Variants in FRAS1 observed in about 807,000 individuals in gnomAD.
FRAS1 encodes extracellular matrix organizing protein FRAS1.
Under a neutral mutation model 435.2 loss-of-function variants are expected in FRAS1, and 290 were observed. The ratio of observed to expected loss-of-function variants is 0.67; its 90% CI spans 0.61 to 0.73. FRAS1 has a LOEUF of 0.73. FRAS1 is among the 30% of genes least tolerant of loss of function. The probability of loss-of-function intolerance (pLI) is 0.00; values close to 1 mark genes in which losing one functional copy is unlikely to be tolerated. For missense variants in FRAS1, 4,860 were observed against 5,001.5 expected (o/e 0.97, Z 0.85); for synonymous variants, 1,800 against 1,851.0 (o/e 0.97, Z 0.71).
chr4:78,104,191 A>G (rs1440981880), intron 2 of FRAS1, among the ~76,000 whole-genome samples: 2 of 152,268 alleles, frequency 1.3e-5, no homozygotes, highest in Non-Finnish European at 2.9e-5. Context: ...TGTTTAGAAA[A>G]TAAATCTGAA....
chr4:78,410,131 A>C (rs1293639840), intron 31 of FRAS1, among the ~76,000 whole-genome samples: 3 of 152,228 alleles, frequency 2.0e-5, no homozygotes, highest in Non-Finnish European at 2.9e-5. Flanking sequence ...ACCTCTGCAA[A>C]CTAGAATCCT....
intron 15 of FRAS1, among the ~76,000 whole-genome samples, chr4:78,310,652 C>T (rs760339825): frequency 2.6e-5 from 4 of 152,192 alleles, no homozygotes; most frequent in Non-Finnish European, 4.4e-5. Flanking sequence ...CTGGAGCTTA[C>T]GCGTTTTATA....
chr4:78,539,445 G>T lies in FRAS1; in HGVS notation c.11445+5G>T. On this transcript the variant is annotated splice_donor_5th_base_variant and intron_variant, in intron 73 of 73. Transcript: ENST00000512123. ...AAAGTAGATGCACTCTATAAGGTGA[G>T]TTTGGTGAGAAGAACAGAAGCTTAA... 1 of 1,572,284 alleles carries T rather than the reference G, an allele frequency of 6.4e-7. No homozygotes were observed. The highest frequency in any genetic ancestry group is 8.6e-7 in the Non-Finnish European group (1 of 1,156,784).
chr4:78,465,451 C>G (rs1215646710), intron 49 of FRAS1, among the ~76,000 whole-genome samples: 1 of 152,198 alleles, frequency 6.6e-6, no homozygotes, highest in African/African-American at 2.4e-5. Context: ...GAGAAGGCCT[C>G]TCTGAGGAGG....
At chr4:78,500,525 G>C (rs925911818) in intron 61 of FRAS1, among the ~76,000 whole-genome samples, 2 of 152,186 alleles carry the variant, frequency 1.3e-5, no homozygotes, top group Non-Finnish European at 2.9e-5. Flanking sequence ...GGGTTGAACT[G>C]TATGCTAGGT....
intron 1 of FRAS1, among the ~76,000 whole-genome samples, chr4:78,064,207 A>T (rs1333346400): frequency 6.6e-6 from 1 of 150,562 alleles, no homozygotes; most frequent in African/African-American, 2.4e-5. Flanking sequence ...ATAATAATAA[A>T]AATAAATAAA....
chr4:78,358,446 T>C (rs1030508611), intron 20 of FRAS1, among the ~76,000 whole-genome samples: 10 of 152,302 alleles, frequency 6.6e-5, no homozygotes, highest in South Asian at 6.2e-4. Flanking sequence ...TTCATGCTTG[T>C]AGTGGTTAAA....
Position 78,499,746 on chromosome 4 carries a change from T to G in FRAS1, c.9141T>G (p.Ala3047=). ...EDAPTIEFEE[A]AYQVREPAGP... is the part of the protein sequence containing the mutation. ...CCCCCACCATTGAGTTTGAAGAAGC[T>G]GCATACCAAGTCCGGGAACCCGCAG... Residue 3047 remains alanine, a synonymous_variant, in exon 61 of 74, where the codon GCT becomes GCG. Transcript: ENST00000512123. The G allele has an allele frequency of 6.2e-7, 1 of 1,613,896 alleles. No individual in the cohort carries two copies. Among genetic ancestry groups the G allele is most frequent in the Non-Finnish European group, 8.5e-7 (1 of 1,179,820 alleles).
intron 70 of FRAS1, among the ~76,000 whole-genome samples, chr4:78,528,059 G>A (rs972603379): frequency 6.6e-6 from 1 of 152,080 alleles, no homozygotes; most frequent in Admixed American, 6.6e-5. Flanking sequence ...GGATAAGGAT[G>A]ACAAAGTGGA....
intron 2 of FRAS1, among the ~76,000 whole-genome samples, chr4:78,217,837 CT>C (rs1473627673): frequency 1.0e-5 from 1 of 96,518 alleles, no homozygotes; most frequent in Non-Finnish European, 2.2e-5. Flanking sequence ...TCCCCTTCCC[CT>C]CTCCTCTCTT....
At chr4:78,354,023 T>TAAAAAAAAAAAAAAAAAAAAAAAAAAAA (rs767987937) in intron 20 of FRAS1, among the ~76,000 whole-genome samples, 1 of 105,958 alleles carries the variant, frequency 9.4e-6, no homozygotes, top group Non-Finnish European at 2.2e-5. Flanking sequence ...AAAAATAAAA[T>TAAAAAAAAAAAAAAAAAAAAAAAAAAAA]AAAAAAAAAA....
intron 9 of FRAS1, among the ~76,000 whole-genome samples, chr4:78,277,873 G>T (rs1212230467): frequency 2.6e-5 from 4 of 151,542 alleles, no homozygotes; most frequent in African/African-American, 9.7e-5. Context: ...GTGCAGTGGC[G>T]TGATCTCGGC....
At chr4:78,075,403 G>A (rs1221856000) in intron 2 of FRAS1, among the ~76,000 whole-genome samples, 1 of 152,142 alleles carries the variant, frequency 6.6e-6, no homozygotes, top group East Asian at 1.9e-4. Flanking sequence ...ATTATTGTAT[G>A]AGCTCAAAAG....
At chr4:78,377,894 T>C (rs1731842409) in intron 26 of FRAS1, among the ~76,000 whole-genome samples, 1 of 152,144 alleles carries the variant, frequency 6.6e-6, no homozygotes, top group African/African-American at 2.4e-5. Flanking sequence ...TTTTAAAAGA[T>C]CCCTATATGA....
chr4:78,460,026 G>C (rs1384907769), intron 47 of FRAS1, among the ~76,000 whole-genome samples: 1 of 152,078 alleles, frequency 6.6e-6, no homozygotes, highest in African/African-American at 2.4e-5. Context: ...GTGGGGAAAG[G>C]GTGCAATTCA....
At chr4:78,382,206 C>A (rs542220166) in intron 27 of FRAS1, among the ~76,000 whole-genome samples, 1 of 148,594 alleles carries the variant, frequency 6.7e-6, no homozygotes. Flanking sequence ...AAATCACTTA[C>A]CCTTATTTGA....
intron 20 of FRAS1, among the ~76,000 whole-genome samples, chr4:78,358,008 A>T (rs1254328420): frequency 1.3e-5 from 2 of 152,018 alleles, no homozygotes; most frequent in African/African-American, 4.8e-5. Flanking sequence ...ACACATGATG[A>T]CCCCATGCTT....
chr4:78,217,927 C>T (rs1233751416), intron 2 of FRAS1, among the ~76,000 whole-genome samples: 71 of 1,726 alleles, frequency 0.041, 11 homozygotes, highest in African/African-American at 0.095. Flanking sequence ...CTCTTGCCCT[C>T]CCCTTCCCCT....
intron 47 of FRAS1, among the ~76,000 whole-genome samples, chr4:78,453,305 A>T (rs1160876183): frequency 6.6e-6 from 1 of 152,172 alleles, no homozygotes; most frequent in African/African-American, 2.4e-5. Context: ...GCCAGGTAGA[A>T]GGTAGTGGGA....
Sources: gnomAD v4.1 joint callset for allele counts (sites outside exome capture counted in the v4.1 genomes callset) on GRCh38, gnomAD v4.1.1 for gene constraint, MANE v1.5 for transcripts, NCBI Gene and HGNC (gene_info 2026-07-23, HGNC 2026-07-21) for gene names.